Variants in NTN1 observed in about 807,000 individuals in gnomAD.
NTN1 encodes the protein netrin-1.
NTN1 carries 11 observed loss-of-function variants against 54.2 expected under a neutral mutation model. That is an observed-to-expected ratio of 0.20 (90% CI 0.13 to 0.34). The LOEUF is 0.34. Ranked by LOEUF, NTN1 falls within the 10% of genes least tolerant of loss-of-function variation. The probability of loss-of-function intolerance (pLI) is 1.00; values close to 1 mark genes in which losing one functional copy is unlikely to be tolerated. For synonymous variants in NTN1, 371 were observed against 382.0 expected, an observed-to-expected ratio of 0.97 and a Z score of 0.33; for missense variants, 740 against 893.1, an observed-to-expected ratio of 0.83 and a Z score of 2.18.
At chr17:9,115,445 G>A (rs2092208078) in intron 2 of NTN1, among the ~76,000 whole-genome samples, 1 of 152,220 alleles carries the variant, frequency 6.6e-6, no homozygotes, top group East Asian at 1.9e-4. Flanking sequence ...CTCATTGTCG[G>A]GAAGAGAAAG....
intron 2 of NTN1, among the ~76,000 whole-genome samples, chr17:9,076,556 G>A (rs553917226): frequency 7.2e-5 from 11 of 152,018 alleles, no homozygotes; most frequent in South Asian, 6.2e-4. Flanking sequence ...AAATTTTTTT[G>A]TGGAGATAGG....
chr17:9,051,130 C>T (rs115154542), intron 2 of NTN1, among the ~76,000 whole-genome samples: 372 of 152,314 alleles, frequency 2.4e-3, no homozygotes, highest in African/African-American at 8.6e-3. Flanking sequence ...GCAGCCTGGC[C>T]TGGGAGCTTT....
chr17:9,199,204 A>G (rs1904715956), intron 5 of NTN1, among the ~76,000 whole-genome samples: 1 of 152,172 alleles, frequency 6.6e-6, no homozygotes, highest in Admixed American at 6.5e-5. Context: ...GTGCAGTGGC[A>G]CAATCTCGGC....
At chr17:9,026,537 T>A (rs958109492) in intron 2 of NTN1, among the ~76,000 whole-genome samples, 5 of 152,204 alleles carry the variant, frequency 3.3e-5, no homozygotes, top group African/African-American at 1.2e-4. Flanking sequence ...TATACACATG[T>A]GCATTCACAT....
At chr17:9,166,174 CCACCA>C in intron 3 of NTN1, among the ~76,000 whole-genome samples, 1 of 94,682 alleles carries the variant, frequency 1.1e-5, no homozygotes, top group Non-Finnish European at 2.5e-5. Context: ...ACCACCACCA[CCACCA>C]CCACCACCAC....
intron 6 of NTN1, among the ~76,000 whole-genome samples, chr17:9,224,333 C>T (rs1672260286): frequency 6.6e-6 from 1 of 152,186 alleles, no homozygotes; most frequent in Admixed American, 6.5e-5. Context: ...TCCCTGCGCC[C>T]TGCCCTGTTG....
chr17:9,188,457 T>TA (rs1422517355), intron 5 of NTN1, among the ~76,000 whole-genome samples: 1 of 135,506 alleles, frequency 7.4e-6, no homozygotes, highest in African/African-American at 2.8e-5. Flanking sequence ...TGCTAAATCT[T>TA]ATATATATTT....
intron 2 of NTN1, among the ~76,000 whole-genome samples, chr17:9,034,678 C>T (rs2091897923): frequency 1.3e-5 from 2 of 152,198 alleles, no homozygotes; most frequent in Admixed American, 6.5e-5. Flanking sequence ...CCACCTCAGC[C>T]TCCCAAAGTG....
upstream of NTN1, among the ~76,000 whole-genome samples, chr17:9,020,094 T>G (rs1172245293): frequency 1.3e-5 from 2 of 152,192 alleles, no homozygotes; most frequent in Admixed American, 1.3e-4. Flanking sequence ...GAAGGCCTTC[T>G]TCCAAGGAGA....
chr17:9,139,592 T>TA (rs780724708), intron 2 of NTN1, among the ~76,000 whole-genome samples: 8 of 152,304 alleles, frequency 5.3e-5, no homozygotes, highest in Non-Finnish European at 1.0e-4. Context: ...CAGTGTTTAC[T>TA]GAGAGCCTCC....
intron 2 of NTN1, among the ~76,000 whole-genome samples, chr17:9,052,691 T>A (rs529110502): frequency 1.3e-5 from 2 of 152,202 alleles, no homozygotes; most frequent in Non-Finnish European, 2.9e-5. Flanking sequence ...GGTAGGAAGA[T>A]AGCTTGAGCC....
intron 2 of NTN1, among the ~76,000 whole-genome samples, chr17:9,105,418 G>C (rs986847676): frequency 6.6e-6 from 1 of 152,180 alleles, no homozygotes; most frequent in South Asian, 2.1e-4. Context: ...AGGAACATTT[G>C]GGGGCTGAGA....
At chr17:9,235,620 C>G (rs1320122128) in intron 6 of NTN1, among the ~76,000 whole-genome samples, 1 of 152,138 alleles carries the variant, frequency 6.6e-6, no homozygotes, top group African/African-American at 2.4e-5. Flanking sequence ...GATCAAGGTG[C>G]CAACAGATTC....
chr17:9,217,665 G>T (rs1274068886), intron 5 of NTN1, among the ~76,000 whole-genome samples: 1 of 151,894 alleles, frequency 6.6e-6, no homozygotes, highest in Non-Finnish European at 1.5e-5. Context: ...TCCATGTTCT[G>T]AAGGTTATTC....
intron 5 of NTN1, among the ~76,000 whole-genome samples, chr17:9,220,096 TGA>T (rs1235108563): frequency 6.6e-6 from 1 of 152,238 alleles, no homozygotes; most frequent in African/African-American, 2.4e-5. Flanking sequence ...CTGCTCACAC[TGA>T]GGGGGAATCT....
At chr17:9,163,453 G>T (rs187385687) in intron 3 of NTN1, among the ~76,000 whole-genome samples, 1 of 139,814 alleles carries the variant, frequency 7.2e-6, no homozygotes, top group African/African-American at 2.6e-5. Context: ...GGATATGTGC[G>T]CACCGCCCCT....
At position 9,239,939 on chromosome 17, in the gene NTN1, GAGA is replaced by G. The variant is rs1212834551; in HGVS notation, c.1792_1794del (p.Lys598del). Reference sequence around the variant, plus strand: ...GCGGCTGCGCAAGTTCCAGCAGCGTGAGAAGAAGGGCAAGTGCAAGAAGGCCTA... The same window carrying G: ...GCGGCTGCGCAAGTTCCAGCAGCGTGAGAAGGGCAAGTGCAAGAAGGCCTA... On this transcript the variant is annotated inframe_deletion, in exon 7 of 7. Coordinates refer to ENST00000173229, the MANE Select transcript of NTN1 (RefSeq NM_004822.3). This position sits in a 1 kb window ranked among gnomAD's most constrained non-coding sequence, Gnocchi z 5.2. The G allele has an allele frequency of 2.9e-5, 39 of 1,337,516 alleles. No homozygotes were observed. The highest frequency in any genetic ancestry group is 5.9e-5 in the South Asian group (5 of 84,586). 82.9% of individuals were successfully genotyped at this position (1,337,516 alleles called of 1,614,324 possible).
At chr17:9,021,634 G>A (rs1018175507) in intron 1 of NTN1, 49 bp downstream of exon 1, 1 of 151,646 alleles carries the variant, frequency 6.6e-6, no homozygotes, top group Admixed American at 6.6e-5. Context: ...CTCCGAGCTC[G>A]GCGGGAGCGG....
intron 2 of NTN1, among the ~76,000 whole-genome samples, chr17:9,095,626 C>A (rs894690782): frequency 2.6e-5 from 4 of 152,174 alleles, no homozygotes; most frequent in African/African-American, 4.8e-5. Flanking sequence ...CATTTTAGGG[C>A]ATGAATCCCA....
Sources: allele counts gnomAD v4.1 joint callset (sites outside exome capture counted in the v4.1 genomes callset), GRCh38; gene constraint gnomAD v4.1.1; non-coding constraint Gnocchi (gnomAD v3.1); transcripts MANE v1.5; gene names NCBI Gene and HGNC (gene_info 2026-07-23, HGNC 2026-07-21).